Variants in CPN1 observed in about 807,000 individuals in gnomAD.
CPN1 encodes carboxypeptidase N subunit 1, also known as carboxypeptidase N catalytic chain.
A neutral mutation model predicts 46.4 loss-of-function variants in CPN1; 37 were observed. That is an observed-to-expected ratio of 0.80 (90% CI 0.61 to 1.05). The LOEUF is 1.05. CPN1 is among the 50% of genes least tolerant of loss of function. CPN1 has a pLI of 0.00. For missense variants in CPN1, 563 were observed against 602.6 expected, an observed-to-expected ratio of 0.93 and a Z score of 0.69; for synonymous variants, 224 against 235.4, an observed-to-expected ratio of 0.95 and a Z score of 0.44.
Position 100,081,553 on chromosome 10 carries a change from G to A in CPN1, c.73C>T (p.His25Tyr), listed in dbSNP as rs373785594. The change falls in exon 1 of 9, where the codon CAC (histidine) becomes TAC (tyrosine). Residue 25 changes from histidine (H) to tyrosine (Y), a missense_variant. Coordinates refer to ENST00000370418, the MANE Select transcript of CPN1 (RefSeq NM_001308.3). ...CGCACAAGATCATCATAGCGGTGGT[G>A]GCGAAAGGTCACCGGGGCAACCAAC... is the stretch of plus-strand genomic sequence containing the variant. ...FKLVAPVTFR[H>Y]HRYDDLVRTL... is the part of the protein sequence containing the mutation. The A allele has an allele frequency of 3.1e-5, 50 of 1,614,026 alleles. No homozygotes were observed. The South Asian group carries it at 4.0e-4, about 13-fold the overall frequency.
chr10:100,070,352 G>A (rs192662675), intron 2 of CPN1, among the ~76,000 whole-genome samples: 2 of 152,120 alleles, frequency 1.3e-5, no homozygotes, highest in Non-Finnish European at 2.9e-5. Context: ...GTGTGGTGGC[G>A]TGTGCCTGTA....
intron 5 of CPN1, among the ~76,000 whole-genome samples, chr10:100,062,863 G>T (rs1174815390): frequency 6.7e-6 from 1 of 150,254 alleles, no homozygotes; most frequent in East Asian, 2.0e-4. Context: ...GGCCTCCCAA[G>T]GTGCTGGGAT....
intron 2 of CPN1, among the ~76,000 whole-genome samples, chr10:100,074,076 T>C (rs907314240): frequency 6.6e-5 from 10 of 152,140 alleles, no homozygotes; most frequent in African/African-American, 2.4e-4. Context: ...GGTCAACTGA[T>C]TAGCAACCTT....
chr10:100,052,824 G>A (rs1194103196), intron 7 of CPN1, among the ~76,000 whole-genome samples: 1 of 152,148 alleles, frequency 6.6e-6, no homozygotes, highest in Admixed American at 6.5e-5. Flanking sequence ...AGGCTGCAGT[G>A]AGCCCTGACT....
chr10:100,050,120 A>T (rs550835412), intron 7 of CPN1, among the ~76,000 whole-genome samples: 1 of 152,330 alleles, frequency 6.6e-6, no homozygotes, highest in East Asian at 1.9e-4. Context: ...TGGGAGGCCC[A>T]GGTGGGTGGA....
At position 100,063,647 on chromosome 10, in the gene CPN1, T is replaced by C. The variant is rs2041434844; in HGVS notation, c.838A>G (p.Thr280Ala). The change falls in exon 5 of 9, where the codon ACC becomes GCC. Residue 280 changes from threonine (T) to alanine (A), a missense_variant. Transcript: ENST00000370418. Reference sequence around the variant, plus strand: ...AGAGAATACCAGGAAGCCCCATTGGTGATGCCATCTGGGAAGTAATCTCCG... The same window carrying C: ...AGAGAATACCAGGAAGCCCCATTGGCGATGCCATCTGGGAAGTAATCTCCG... ...NCGDYFPDGI[T>A]NGASWYSLSK... The C allele has an allele frequency of 6.2e-7, 1 of 1,613,908 alleles. No homozygotes were observed. Among genetic ancestry groups the C allele is most frequent in the South Asian group, 1.1e-5 (1 of 91,080 alleles).
chr10:100,073,280 G>T (rs188131652), intron 2 of CPN1, among the ~76,000 whole-genome samples: 44 of 152,154 alleles, frequency 2.9e-4, no homozygotes, highest in African/African-American at 1.1e-3. Context: ...TGCTTCCAGG[G>T]GCTTGTCACT....
At chr10:100,080,993 C>T (rs2041541663) in intron 1 of CPN1, among the ~76,000 whole-genome samples, 1 of 152,190 alleles carries the variant, frequency 6.6e-6, no homozygotes, top group Admixed American at 6.5e-5. Context: ...AAGAGATTCC[C>T]CTATACCCTT....
chr10:100,065,823 GGTGGGGTGGGTGGA>G (rs892662722), intron 3 of CPN1, among the ~76,000 whole-genome samples: 4 of 151,966 alleles, frequency 2.6e-5, no homozygotes, highest in African/African-American at 9.7e-5. Context: ...GGATGTTGAT[GGTGGGGTGGGTGGA>G]GTGGGGTGGG....
chr10:100,058,039 T>A (rs1280956663), intron 5 of CPN1, among the ~76,000 whole-genome samples: 1 of 152,162 alleles, frequency 6.6e-6, no homozygotes, highest in Non-Finnish European at 1.5e-5. Context: ...TCAACTTCTA[T>A]TCTACCTCTT....
At chr10:100,074,617 A>C (rs981306298) in intron 2 of CPN1, among the ~76,000 whole-genome samples, 1 of 151,998 alleles carries the variant, frequency 6.6e-6, no homozygotes, top group African/African-American at 2.4e-5. Context: ...GGGTTTCTCC[A>C]TGTTGGTCAG....
At position 100,042,436 on chromosome 10, in the gene CPN1, G is replaced by C. The variant is rs2041280452; in HGVS notation, c.1368C>G (p.Gly456=). The C allele has an allele frequency of 6.2e-7, 1 of 1,613,052 alleles. No homozygotes were observed. The highest frequency in any genetic ancestry group is 1.3e-5 in the African/African-American group (1 of 74,868). ...CCTGGCACTGTGGGTTTCAGGCAGG[G>C]CCTCTCTGCAGCTGCCTCATCTCCA... ...KEMEMRQLQR[G]PA Residue 456 remains glycine (G), a synonymous_variant, in exon 9 of 9, where the codon GGC becomes GGG. Transcript: ENST00000370418.
intron 1 of CPN1, among the ~76,000 whole-genome samples, chr10:100,077,226 CCTTTT>C (rs1564777168): frequency 7.3e-6 from 1 of 137,076 alleles, no homozygotes; most frequent in African/African-American, 3.1e-5. Flanking sequence ...CCCGGTTTTA[CCTTTT>C]TTTTTTTTTT....
chr10:100,074,042 C>CA (rs1171868187), intron 2 of CPN1, among the ~76,000 whole-genome samples: 1 of 152,094 alleles, frequency 6.6e-6, no homozygotes, highest in Non-Finnish European at 1.5e-5. Flanking sequence ...CATCCCCCCC[C>CA]CACAATACTC....
intron 8 of CPN1, among the ~76,000 whole-genome samples, chr10:100,047,984 C>G (rs1183617770): frequency 1.3e-5 from 2 of 151,882 alleles, no homozygotes; most frequent in Admixed American, 1.3e-4. Context: ...AAGAGCGAAA[C>G]CCCCTCTCAA....
At chr10:100,065,460 A>G (rs1395558253) in intron 3 of CPN1, 90 bp from the exon 4 acceptor site, 2 of 1,398,698 alleles carry the variant, frequency 1.4e-6, no homozygotes, top group East Asian at 2.4e-5. Flanking sequence ...AAGTGGCCTG[A>G]GGAGATAAAA....
chr10:100,073,320 G>C (rs2041496509), intron 2 of CPN1, among the ~76,000 whole-genome samples: 1 of 152,088 alleles, frequency 6.6e-6, no homozygotes, highest in Non-Finnish European at 1.5e-5. Flanking sequence ...GGCAACTCTT[G>C]ACTGTCAGCA....
chr10:100,069,366 A>G, intron 3 of CPN1, among the ~76,000 whole-genome samples: 1 of 152,034 alleles, frequency 6.6e-6, no homozygotes. Flanking sequence ...CTTTAATCCC[A>G]GCTACTCAGG....
intron 6 of CPN1, among the ~76,000 whole-genome samples, chr10:100,055,236 T>TA (rs879670786): frequency 3.6e-4 from 52 of 144,212 alleles, no homozygotes; most frequent in African/African-American, 4.6e-4. Flanking sequence ...AGACTCCATC[T>TA]AAAAAAAAAA....
Sources: allele counts gnomAD v4.1 joint callset (sites outside exome capture counted in the v4.1 genomes callset), GRCh38; gene constraint gnomAD v4.1.1; transcripts MANE v1.5; gene names NCBI Gene and HGNC (gene_info 2026-07-23, HGNC 2026-07-21).